SRGAP2: variants seen among roughly 807,000 people sequenced by gnomAD.
SRGAP2 encodes SLIT-ROBO Rho GTPase activating protein 2.
In SRGAP2, 15 loss-of-function variants were observed where a neutral mutation model predicts 57.2. The observed-to-expected ratio is 0.26, with a 90% CI of 0.18 to 0.40. The LOEUF (loss-of-function observed/expected upper bound fraction) is 0.40. Ranked by LOEUF, SRGAP2 falls within the 10% of genes least tolerant of loss-of-function variation. SRGAP2 has a pLI of 1.00. For missense variants in SRGAP2, 520 were observed against 669.6 expected, an observed-to-expected ratio of 0.78 and a Z score of 2.47; for synonymous variants, 249 against 248.0, an observed-to-expected ratio of 1.00 and a Z score of -0.04.
chr1:206,250,380 T>C (rs1184962808), intron 2 of SRGAP2, among the ~76,000 whole-genome samples: 1 of 143,420 alleles, frequency 7.0e-6, no homozygotes, highest in Non-Finnish European at 1.5e-5. Context: ...GTTTGTGGGC[T>C]TTCAGAGTTG....
chr1:206,442,570 G>A (rs1458303063), intron 17 of SRGAP2, among the ~76,000 whole-genome samples: 1 of 152,206 alleles, frequency 6.6e-6, no homozygotes, highest in Non-Finnish European at 1.5e-5. Context: ...GTTGCTGCTT[G>A]CAGAGATGGC....
chr1:206,249,040 T>C (rs1295991754), intron 2 of SRGAP2, among the ~76,000 whole-genome samples: 3 of 152,276 alleles, frequency 2.0e-5, no homozygotes, highest in African/African-American at 7.2e-5. Context: ...CCTGTCTCAC[T>C]GTGTTTCCTA....
intron 22 of SRGAP2, 56 bp downstream of exon 22, chr1:206,459,003 G>A (rs1278624896): frequency 1.5e-6 from 1 of 664,688 alleles, no homozygotes; most frequent in Non-Finnish European, 2.8e-6. Context: ...CTACCACTTA[G>A]TGCCACCCAC....
At chr1:206,427,304 G>C (rs1327884700) in intron 13 of SRGAP2, among the ~76,000 whole-genome samples, 2 of 152,166 alleles carry the variant, frequency 1.3e-5, no homozygotes, top group African/African-American at 4.8e-5. Flanking sequence ...ATAGGGAAGA[G>C]AAGACAAAGA....
rs781930251 is a variant in SRGAP2 at position 206,446,176 on chromosome 1, CCTGCCA to C, written c.1977_1982del (p.Cys660_Gln661del). 1 of 780,954 alleles carries C rather than the reference CCTGCCA, an allele frequency of 1.3e-6. No homozygotes were observed. Among genetic ancestry groups the C allele is most frequent in the Non-Finnish European group, 2.4e-6 (1 of 417,994 alleles). The allele number at this position is 780,954 out of a possible 1,614,324, so 48.4% of individuals were successfully genotyped here. ...GTGCCAGAGGGCCACGACCAGGTGT[CCTGCCA>C]AGCCCACGTGAATGAGCTGATCAAA... is the stretch of plus-strand genomic sequence containing the variant. On this transcript the variant is annotated inframe_deletion, in exon 18 of 23. Transcript: ENST00000573034.
Position 206,434,614 on chromosome 1 carries a change from T to TATTA in SRGAP2, c.1556-2348_1556-2345dup, listed in dbSNP as rs1661568317. On this transcript the variant is annotated intron_variant, in intron 14 of 22. Transcript: ENST00000573034. ...CTTTACTTTCTGGAAACCAGCCACT[T>TATTA]ATTAATGTTTCTGCTTCTAGAATCT... 2.0e-5 allele frequency among the ~76,000 whole-genome samples: 3 copies of TATTA among 152,310 alleles called. No homozygotes were observed. In the South Asian group the frequency reaches 6.2e-4, roughly 32 times the overall value.
At chr1:206,268,112 T>G (rs1669983120) in intron 2 of SRGAP2, among the ~76,000 whole-genome samples, 1 of 151,550 alleles carries the variant, frequency 6.6e-6, no homozygotes, top group African/African-American at 2.4e-5. Context: ...ATACTTTAAG[T>G]TCTAGAGTAC....
rs371653865 is a variant in SRGAP2 at position 206,395,546 on chromosome 1, G to T, written c.831+1873G>T. Among the ~76,000 whole-genome samples, 249 of 145,138 alleles carry T rather than the reference G, an allele frequency of 1.7e-3. 6 individuals carry two copies. In the East Asian group the frequency reaches 0.038, roughly 22 times the overall value. ...AGGCCTGTTCTCAGCATAAGGAAGA[G>T]AATCCATTCTTTCTTATGCACAATT... On this transcript the variant is annotated intron_variant, in intron 7 of 22. Transcript: ENST00000573034.
In SRGAP2 at chr1:206,230,308, G is replaced by A. The variant is rs560909079; in HGVS notation, c.67+24271G>A. Reference sequence around the variant, plus strand: ...CCTATGAATGCTAATAATTAATTACGGAAATGCCTCATGGAAGCACTTGAA... The same window carrying A: ...CCTATGAATGCTAATAATTAATTACAGAAATGCCTCATGGAAGCACTTGAA... On this transcript the variant is annotated intron_variant, in intron 2 of 22. Coordinates refer to ENST00000573034, the MANE Select transcript of SRGAP2 (RefSeq NM_015326.5). Among the ~76,000 whole-genome samples the A allele has an allele frequency of 1.5e-4, 22 of 146,858 alleles. 1 individual carries two copies. In the South Asian group the frequency reaches 5.0e-3, roughly 33 times the overall value.
At chr1:206,383,407 T>C (rs1182108990) in intron 4 of SRGAP2, among the ~76,000 whole-genome samples, 1 of 151,644 alleles carries the variant, frequency 6.6e-6, no homozygotes, top group East Asian at 1.9e-4. Flanking sequence ...CCATCACTGC[T>C]CAAGATTAAC....
At chr1:206,402,310 G>T (rs1472632269) in intron 8 of SRGAP2, among the ~76,000 whole-genome samples, 7 of 151,924 alleles carry the variant, frequency 4.6e-5, no homozygotes, top group Non-Finnish European at 1.0e-4. Flanking sequence ...CATGAACATG[G>T]GGGCCTTGTT....
chr1:206,344,058 A>T (rs1675433273), intron 4 of SRGAP2, among the ~76,000 whole-genome samples: 1 of 152,206 alleles, frequency 6.6e-6, no homozygotes, highest in Non-Finnish European at 1.5e-5. Flanking sequence ...GGTAAACAGG[A>T]TTGTAGTCGA....
chr1:206,242,503 ACCTCAAAG>A, intron 2 of SRGAP2, among the ~76,000 whole-genome samples: 1 of 120,374 alleles, frequency 8.3e-6, no homozygotes, highest in African/African-American at 3.3e-5. Flanking sequence ...AAATATAAAA[ACCTCAAAG>A]TTATTAATGG....
intron 2 of SRGAP2, among the ~76,000 whole-genome samples, chr1:206,255,770 A>G (rs1553312198): frequency 6.6e-6 from 1 of 151,834 alleles, no homozygotes; most frequent in African/African-American, 2.4e-5. Flanking sequence ...CTTCTTCAAG[A>G]AGATAAGATA....
intron 8 of SRGAP2, among the ~76,000 whole-genome samples, chr1:206,404,336 G>C (rs1289375661): frequency 1.3e-5 from 2 of 151,892 alleles, no homozygotes; most frequent in Non-Finnish European, 2.9e-5. Context: ...GGAATGGTCC[G>C]TGGGCATGTG....
intron 4 of SRGAP2, among the ~76,000 whole-genome samples, chr1:206,359,777 T>C (rs1450168401): frequency 1.5e-5 from 2 of 137,438 alleles, no homozygotes; most frequent in Non-Finnish European, 3.1e-5. Flanking sequence ...GCAAAGAGGA[T>C]GGGGTACAAG....
At chr1:206,220,667 A>G (rs1354678136) in intron 2 of SRGAP2, among the ~76,000 whole-genome samples, 1 of 152,164 alleles carries the variant, frequency 6.6e-6, no homozygotes, top group Non-Finnish European at 1.5e-5. Context: ...AGAACTTGAA[A>G]TAGTTTAAAG....
chr1:206,227,662 T>A (rs1199144077), intron 2 of SRGAP2, among the ~76,000 whole-genome samples: 3 of 152,220 alleles, frequency 2.0e-5, no homozygotes, highest in African/African-American at 7.2e-5. Flanking sequence ...GCTTGTCCAG[T>A]AACCTCAAGG....
chr1:206,212,092 T>C lies in SRGAP2; in HGVS notation c.67+6055T>C, dbSNP rs564024519. Among the ~76,000 whole-genome samples the C allele has an allele frequency of 6.7e-3, 1,019 of 152,350 alleles. 4 individuals carry two copies. Among genetic ancestry groups the C allele is most frequent in the Middle Eastern group, 0.034 (10 of 294 alleles). Reference sequence around the variant, plus strand: ...CCCATTTTGTTTACCCATTCGTTCATTGATGAACACTTGGGTTGTTTCCAC... The same window carrying C: ...CCCATTTTGTTTACCCATTCGTTCACTGATGAACACTTGGGTTGTTTCCAC... On this transcript the variant is annotated intron_variant, in intron 2 of 22. Transcript: ENST00000573034.
Sources: allele counts gnomAD v4.1 joint callset (sites outside exome capture counted in the v4.1 genomes callset), GRCh38; gene constraint gnomAD v4.1.1; transcripts MANE v1.5; gene names NCBI Gene and HGNC (gene_info 2026-07-23, HGNC 2026-07-21).